Variants in USP6NL observed in about 807,000 individuals in gnomAD.
The protein encoded by USP6NL is USP6 N-terminal-like protein.
Under a neutral mutation model 61.9 loss-of-function variants are expected in USP6NL, and 26 were observed. The observed-to-expected ratio is 0.42, with a 90% CI of 0.31 to 0.58. USP6NL has a LOEUF of 0.58. USP6NL is among the 20% of genes least tolerant of loss of function. The pLI, the probability that USP6NL is intolerant of heterozygous loss-of-function variation, is 0.16. For missense variants in USP6NL, 1,114 were observed against 1,034.3 expected, an observed-to-expected ratio of 1.08 and a Z score of -1.06; for synonymous variants, 432 against 390.1, an observed-to-expected ratio of 1.11 and a Z score of -1.27.
At position 11,495,433 on chromosome 10, in the gene USP6NL, C is replaced by A. The variant is rs1340499292; in HGVS notation, c.385-2205G>T. 6.6e-6 allele frequency among the ~76,000 whole-genome samples: 1 copy of A among 152,192 alleles called. No individual in the cohort carries two copies. Among genetic ancestry groups the A allele is most frequent in the East Asian group, 1.9e-4 (1 of 5,200 alleles). On this transcript the variant is annotated intron_variant, in intron 7 of 14. Transcript: ENST00000609104. The surrounding 1 kb of genome is among the most constrained non-coding windows in gnomAD (Gnocchi z 4.6). ...GCACCTGGATGGCTTGCCGCCCACA[C>A]CCTCCCTCCATTCCCATTTTCTTTT...
Position 11,499,036 on chromosome 10 carries a change from C to T in USP6NL, c.384+2065G>A, listed in dbSNP as rs1367826532. On this transcript the variant is annotated intron_variant, in intron 7 of 14. Coordinates refer to ENST00000609104, the MANE Select transcript of USP6NL (RefSeq NM_014688.5). This position sits in a 1 kb window ranked among gnomAD's most constrained non-coding sequence, Gnocchi z 4.5. ...TGGGGACAAGAAAGGACAAACAGGC[C>T]ACCAGGGGAACTTGAAGGACTGAAT... Among the ~76,000 whole-genome samples the T allele has an allele frequency of 6.6e-6, 1 of 152,150 alleles. No homozygotes were observed. Among genetic ancestry groups the T allele is most frequent in the Non-Finnish European group, 1.5e-5 (1 of 68,036 alleles).
chr10:11,580,435 A>T (rs1429730319), intron 2 of USP6NL, among the ~76,000 whole-genome samples: 1 of 152,222 alleles, frequency 6.6e-6, no homozygotes, highest in Non-Finnish European at 1.5e-5. Flanking sequence ...GGATGTTTGC[A>T]ATGTGTATTA....
In USP6NL at chr10:11,592,680, G is replaced by T. The variant is rs953529716; in HGVS notation, c.4+4951C>A. 6.6e-6 allele frequency among the ~76,000 whole-genome samples: 1 copy of T among 152,098 alleles called. No individual in the cohort carries two copies. The highest frequency in any genetic ancestry group is 1.5e-5 in the Non-Finnish European group (1 of 68,020). ...TTCTACCCAACTTCTGAAGCATGCA[G>T]CTATTCCACAAAACAGTTTATCTAT... On this transcript the variant is annotated intron_variant, in intron 2 of 14. Coordinates refer to ENST00000609104, the MANE Select transcript of USP6NL (RefSeq NM_014688.5). The surrounding 1 kb of genome is among the most constrained non-coding windows in gnomAD (Gnocchi z 4.7).
chr10:11,546,067 G>A (rs571341306), intron 2 of USP6NL, among the ~76,000 whole-genome samples: 53 of 152,308 alleles, frequency 3.5e-4, no homozygotes, highest in Middle Eastern at 3.4e-3. Context: ...TTGCTTTCCA[G>A]TAAAACCATC....
chr10:11,531,969 C>T (rs1432135194), intron 2 of USP6NL, among the ~76,000 whole-genome samples: 2 of 152,146 alleles, frequency 1.3e-5, no homozygotes, highest in African/African-American at 2.4e-5. Flanking sequence ...TTCTAAGAAT[C>T]CAGTACCCTC....
At chr10:11,480,363 T>C (rs1466859473) in intron 14 of USP6NL, among the ~76,000 whole-genome samples, 3 of 152,262 alleles carry the variant, frequency 2.0e-5, no homozygotes, top group Admixed American at 1.3e-4. Context: ...AATAGTTCTA[T>C]ATTTTTTCCT....
intron 2 of USP6NL, among the ~76,000 whole-genome samples, chr10:11,577,759 C>A (rs992279921): frequency 2.0e-5 from 3 of 152,076 alleles, no homozygotes; most frequent in African/African-American, 7.2e-5. Context: ...CCTCGGCCCC[C>A]CAAAGTACTG....
chr10:11,564,496 G>C (rs1476796484), intron 2 of USP6NL: 2 of 152,082 alleles, frequency 1.3e-5, no homozygotes, highest in African/African-American at 4.8e-5. Context: ...TACCAGGCAA[G>C]CTCATGAACC....
chr10:11,469,381 C>T (rs1181260146), intron 14 of USP6NL, among the ~76,000 whole-genome samples: 1 of 152,160 alleles, frequency 6.6e-6, no homozygotes, highest in Admixed American at 6.5e-5. Flanking sequence ...TATACACAGG[C>T]AGAAACCTGA....
rs1003442968 is a variant in USP6NL, at chr10:11,490,711, C to T, written c.543+121G>A. Reference sequence around the variant, plus strand: ...TTTCAGCTTAAAAAGATCCACAGAGCTAAAGAGACCATGGAGACCACCTAG... The same window carrying T: ...TTTCAGCTTAAAAAGATCCACAGAGTTAAAGAGACCATGGAGACCACCTAG... On this transcript the variant is annotated intron_variant, in intron 9 of 14. Transcript: ENST00000609104. This position sits in a 1 kb window ranked among gnomAD's most constrained non-coding sequence, Gnocchi z 4.5. The T allele has an allele frequency of 8.3e-6, 8 of 966,188 alleles. No homozygotes were observed. The Admixed American group carries it at 2.3e-4, about 28-fold the overall frequency. 59.9% of individuals were successfully genotyped at this position (966,188 alleles called of 1,614,324 possible).
chr10:11,581,201 G>A (rs574344623), intron 2 of USP6NL, among the ~76,000 whole-genome samples: 16 of 152,222 alleles, frequency 1.1e-4, no homozygotes, highest in African/African-American at 2.9e-4. Flanking sequence ...ATAAAAATCT[G>A]TCTTAGGTCC....
At position 11,548,537 on chromosome 10, in the gene USP6NL, C is replaced by T. The variant is rs1343621681; in HGVS notation, c.5-20970G>A. Among the ~76,000 whole-genome samples the T allele has an allele frequency of 6.6e-6, 1 of 152,080 alleles. No homozygotes were observed. The highest frequency in any genetic ancestry group is 1.5e-5 in the Non-Finnish European group (1 of 68,008). ...TCTTTGTAAATCTTAATTTCATAAC[C>T]TTACTTTAGCTATCTCTATCAACTT... On this transcript the variant is annotated intron_variant, in intron 2 of 14. Transcript: ENST00000609104. This position sits in a 1 kb window ranked among gnomAD's most constrained non-coding sequence, Gnocchi z 4.3.
At chr10:11,608,632 A>T (rs1206375653) in intron 1 of USP6NL, among the ~76,000 whole-genome samples, 1 of 152,152 alleles carries the variant, frequency 6.6e-6, no homozygotes, top group Non-Finnish European at 1.5e-5. Context: ...TAGGTTCCCT[A>T]GGTATGGGTT....
chr10:11,490,939 CAA>C lies in USP6NL; in HGVS notation c.495-61_495-60del. 7.0e-7 allele frequency: 1 copy of C among 1,421,526 alleles called. No individual in the cohort carries two copies. The highest frequency in any genetic ancestry group is 1.5e-5 in the African/African-American group (1 of 68,630). The allele number at this position is 1,421,526 out of a possible 1,614,324, so 88.1% of individuals were successfully genotyped here. A position where few individuals can be genotyped will look rare whatever the true frequency, so the allele number is the denominator to read the frequency against. On this transcript the variant is annotated intron_variant, in intron 8 of 14. Coordinates refer to ENST00000609104, the MANE Select transcript of USP6NL (RefSeq NM_014688.5). This position sits in a 1 kb window ranked among gnomAD's most constrained non-coding sequence, Gnocchi z 4.5. ...GTAATTTCACATATTTTAAAAATTA[CAA>C]ACTTAAAAAAATAAACCAAAGACTG... is the stretch of plus-strand genomic sequence containing the variant.
chr10:11,549,353 C>A (rs946321910), intron 2 of USP6NL, among the ~76,000 whole-genome samples: 1 of 152,152 alleles, frequency 6.6e-6, no homozygotes, highest in Admixed American at 6.5e-5. Flanking sequence ...GCAGGCCTAT[C>A]TAGTTATTAT....
At chr10:11,521,208 T>C (rs1443477377) in intron 4 of USP6NL, among the ~76,000 whole-genome samples, 2 of 151,436 alleles carry the variant, frequency 1.3e-5, no homozygotes, top group African/African-American at 2.4e-5. Flanking sequence ...TTTATTTTTG[T>C]TTTTAAAGTA....
At chr10:11,582,043 C>T (rs1837792308) in intron 2 of USP6NL, among the ~76,000 whole-genome samples, 1 of 152,112 alleles carries the variant, frequency 6.6e-6, no homozygotes, top group Non-Finnish European at 1.5e-5. Flanking sequence ...CGGCTCACTG[C>T]AACCTCCACC....
At position 11,462,532 on chromosome 10, in the gene USP6NL, G is replaced by C. The variant is rs567100384; in HGVS notation, c.2396C>G (p.Pro799Arg). 20 of 1,613,984 alleles carry C rather than the reference G, an allele frequency of 1.2e-5. No homozygotes were observed. In the South Asian group the frequency reaches 2.2e-4, roughly 18 times the overall value. ...KASPAAEDAS[P>R]SGYPYSGPPP... ...GGGCCCTGAATATGGATATCCAGAT[G>C]GACTGGCATCTTCTGCGGCCGGTGA... is the stretch of plus-strand genomic sequence containing the variant. The change falls in exon 15 of 15, where the codon CCA (proline) becomes CGA (arginine). Residue 799 changes from proline (P) to arginine (R), a missense_variant. Transcript: ENST00000609104.
rs533249558 is a variant in USP6NL, at chr10:11,502,717, T to C, written c.277-1509A>G. Among the ~76,000 whole-genome samples, 7 of 152,312 alleles carry C rather than the reference T, an allele frequency of 4.6e-5. No individual in the cohort carries two copies. In the South Asian group the frequency reaches 1.0e-3, roughly 23 times the overall value. On this transcript the variant is annotated intron_variant, in intron 6 of 14. Transcript: ENST00000609104. The stretch of plus-strand genomic sequence containing the variant: ...GCTTTAAGAAACTTCGATCATGTGG[T>C]TGAAGGTGAGTGACAAAGATGAACA...
Sources: gnomAD v4.1 joint callset for allele counts (sites outside exome capture counted in the v4.1 genomes callset) on GRCh38, gnomAD v4.1.1 for gene constraint, Gnocchi (gnomAD v3.1) non-coding constraint, MANE v1.5 for transcripts, NCBI Gene and HGNC (gene_info 2026-07-23, HGNC 2026-07-21) for gene names.